The following DRC11 variants were observed in gnomAD, a reference collection of about 807,000 sequenced individuals.
DRC11 encodes the protein IQ and AAA domain-containing protein 1.
At chr2:236,339,721 G>A in the DRC11 span, among the ~76,000 whole-genome samples, 1 of 152,156 alleles carries the variant, frequency 6.6e-6, no homozygotes, top group Non-Finnish European at 1.5e-5. Context: ...GTAATGTAAG[G>A]CTTTATTACT....
the DRC11 span, among the ~76,000 whole-genome samples, chr2:236,423,689 T>C: frequency 1.3e-5 from 2 of 152,142 alleles, no homozygotes; most frequent in Non-Finnish European, 2.9e-5. Context: ...GACCCAGCCA[T>C]CCCATTACTG....
chr2:236,329,449 A>G, the DRC11 span, among the ~76,000 whole-genome samples: 9 of 152,354 alleles, frequency 5.9e-5, no homozygotes, highest in East Asian at 1.5e-3. Flanking sequence ...TAACATTATT[A>G]GACTTACTAT....
At chr2:236,345,418 G>C in the DRC11 span, among the ~76,000 whole-genome samples, 1 of 152,072 alleles carries the variant, frequency 6.6e-6, no homozygotes, top group South Asian at 2.1e-4. Context: ...AGTTTGGCTT[G>C]AAAGAAACCC....
At chr2:236,336,889 C>T in the DRC11 span, among the ~76,000 whole-genome samples, 2 of 152,224 alleles carry the variant, frequency 1.3e-5, no homozygotes, top group East Asian at 3.9e-4. The surrounding 1 kb of genome is among the most constrained non-coding windows in gnomAD (Gnocchi z 7.3). Context: ...CTCTTGACCA[C>T]AGAGGGTGGT....
chr2:236,357,656 T>C, the DRC11 span, among the ~76,000 whole-genome samples: 1 of 125,794 alleles, frequency 7.9e-6, no homozygotes, highest in Non-Finnish European at 1.6e-5. Flanking sequence ...ATATAAATTA[T>C]ATTCATAATA....
chr2:236,382,053 C>A, the DRC11 span, among the ~76,000 whole-genome samples: 2 of 152,092 alleles, frequency 1.3e-5, no homozygotes, highest in African/African-American at 4.8e-5. Context: ...CTAGCCTAGC[C>A]CCCAAAGTCT....
At chr2:236,394,869 G>A in the DRC11 span, among the ~76,000 whole-genome samples, 1 of 152,196 alleles carries the variant, frequency 6.6e-6, no homozygotes, top group Non-Finnish European at 1.5e-5. This position sits in a 1 kb window ranked among gnomAD's most constrained non-coding sequence, Gnocchi z 7.0. Flanking sequence ...AGGGCTGTGT[G>A]TGTATTGCTG....
At chr2:236,387,181 G>C in the DRC11 span, among the ~76,000 whole-genome samples, 4 of 148,602 alleles carry the variant, frequency 2.7e-5, no homozygotes, top group Non-Finnish European at 4.5e-5. Context: ...TATTAGGTCC[G>C]CTTGGTGCAG....
At chr2:236,487,902 T>G in the DRC11 span, 3 of 712,030 alleles carry the variant, frequency 4.2e-6, no homozygotes, top group African/African-American at 5.6e-5. Flanking sequence ...AAGGGTAGGA[T>G]TTGGTGTTTG....
the DRC11 span, among the ~76,000 whole-genome samples, chr2:236,448,021 C>T: frequency 6.6e-6 from 1 of 152,150 alleles, no homozygotes; most frequent in African/African-American, 2.4e-5. The surrounding 1 kb of genome is among the most constrained non-coding windows in gnomAD (Gnocchi z 5.3). Flanking sequence ...GGGAAAGCTG[C>T]AATTTAAATA....
At chr2:236,428,734 T>C in the DRC11 span, among the ~76,000 whole-genome samples, 2 of 152,228 alleles carry the variant, frequency 1.3e-5, no homozygotes, top group African/African-American at 4.8e-5. Context: ...CATTTACATT[T>C]GAGATAATTA....
At chr2:236,343,238 C>T in the DRC11 span, among the ~76,000 whole-genome samples, 5 of 152,214 alleles carry the variant, frequency 3.3e-5, no homozygotes, top group East Asian at 1.9e-4. The surrounding 1 kb of genome is among the most constrained non-coding windows in gnomAD (Gnocchi z 6.6). Flanking sequence ...CCCCTCTCAG[C>T]GCTCCTTCCC....
chr2:236,443,792 G>C, the DRC11 span, among the ~76,000 whole-genome samples: 2 of 152,140 alleles, frequency 1.3e-5, no homozygotes, highest in Non-Finnish European at 2.9e-5. This position sits in a 1 kb window ranked among gnomAD's most constrained non-coding sequence, Gnocchi z 4.4. Flanking sequence ...TTGAGGAATC[G>C]TCACAGTCTT....
the DRC11 span, chr2:236,399,519 C>T: frequency 1.1e-5 from 17 of 1,573,006 alleles, no homozygotes; most frequent in Non-Finnish European, 1.4e-5. This position sits in a 1 kb window ranked among gnomAD's most constrained non-coding sequence, Gnocchi z 7.0. Flanking sequence ...TCGTTAATCT[C>T]AGGCAAGACC....
chr2:236,331,408 G>A, the DRC11 span: 24 of 1,613,706 alleles, frequency 1.5e-5, no homozygotes, highest in South Asian at 7.7e-5. The surrounding 1 kb of genome is among the most constrained non-coding windows in gnomAD (Gnocchi z 4.8). Flanking sequence ...GCTGGTTATC[G>A]CCGTAATAAA....
the DRC11 span, among the ~76,000 whole-genome samples, chr2:236,354,326 AGTGT>A: frequency 4.9e-5 from 4 of 81,998 alleles, no homozygotes; most frequent in African/African-American, 2.2e-4. Flanking sequence ...CATGTGTGTG[AGTGT>A]ATTAGTGTGC....
chr2:236,388,983 G>C, the DRC11 span, among the ~76,000 whole-genome samples: 2 of 152,228 alleles, frequency 1.3e-5, no homozygotes, highest in African/African-American at 4.8e-5. Context: ...CGGGGGTCAG[G>C]GGTCAGGGAC....
the DRC11 span, among the ~76,000 whole-genome samples, chr2:236,361,976 C>A: frequency 6.6e-6 from 1 of 152,066 alleles, no homozygotes; most frequent in Non-Finnish European, 1.5e-5. The surrounding 1 kb of genome is among the most constrained non-coding windows in gnomAD (Gnocchi z 5.7). Flanking sequence ...AGTATCAGAC[C>A]AGGTAGATTT....
chr2:236,388,474 C>T, the DRC11 span, among the ~76,000 whole-genome samples: 1 of 151,918 alleles, frequency 6.6e-6, no homozygotes, highest in African/African-American at 2.4e-5. Flanking sequence ...GGCTTCTGCA[C>T]TCTTCACGTA....
Sources: gnomAD v4.1 joint callset for allele counts (sites outside exome capture counted in the v4.1 genomes callset) on GRCh38, gnomAD v4.1.1 for gene constraint, Gnocchi (gnomAD v3.1) non-coding constraint, MANE v1.5 for transcripts, NCBI Gene and HGNC (gene_info 2026-07-23, HGNC 2026-07-21) for gene names.